Variants in SLC13A3 observed in about 807,000 individuals in gnomAD.
SLC13A3 encodes Na(+)/dicarboxylate cotransporter 3.
In SLC13A3, 40 loss-of-function variants were observed where a neutral mutation model predicts 59.0. The ratio of observed to expected loss-of-function variants is 0.68; its 90% CI spans 0.53 to 0.88. The LOEUF is 0.88. SLC13A3 is among the 40% of genes least tolerant of loss of function. The probability of loss-of-function intolerance (pLI) is 0.00; values close to 1 mark genes in which losing one functional copy is unlikely to be tolerated. For missense variants in SLC13A3, 699 were observed against 783.2 expected (o/e 0.89, Z 1.28); for synonymous variants, 317 against 330.3 (o/e 0.96, Z 0.44).
intron 1 of SLC13A3, among the ~76,000 whole-genome samples, chr20:46,661,375 A>G (rs2063029013): frequency 6.6e-6 from 1 of 152,164 alleles, no homozygotes; most frequent in Non-Finnish European, 1.5e-5. Context: ...GTTGAACTGG[A>G]TTTCAGCTTT....
intron 1 of SLC13A3, among the ~76,000 whole-genome samples, chr20:46,618,815 C>A (rs967799865): frequency 6.6e-6 from 1 of 152,234 alleles, no homozygotes. Flanking sequence ...CAGTGCCCAT[C>A]ATTCCTGTTC....
intron 9 of SLC13A3, among the ~76,000 whole-genome samples, chr20:46,581,575 G>A (rs1161100258): frequency 2.0e-5 from 3 of 152,174 alleles, no homozygotes; most frequent in African/African-American, 7.2e-5. Flanking sequence ...AGGACACAAA[G>A]GCTCCAGGGA....
intron 6 of SLC13A3, among the ~76,000 whole-genome samples, chr20:46,589,947 A>G (rs976992927): frequency 2.6e-5 from 4 of 152,252 alleles, no homozygotes; most frequent in Non-Finnish European, 4.4e-5. Context: ...TAATATGGTT[A>G]GAGTTAAAAC....
chr20:46,591,373 A>C (rs1289295334), intron 6 of SLC13A3, among the ~76,000 whole-genome samples: 1 of 152,206 alleles, frequency 6.6e-6, no homozygotes, highest in Admixed American at 6.5e-5. Flanking sequence ...TTCTCACTGC[A>C]TACCTCTTAG....
At chr20:46,630,422 A>G (rs1464300137) in intron 1 of SLC13A3, among the ~76,000 whole-genome samples, 1 of 152,228 alleles carries the variant, frequency 6.6e-6, no homozygotes, top group Non-Finnish European at 1.5e-5. Context: ...AGGAAGTGTC[A>G]GAGTTCAAAA....
intron 1 of SLC13A3, among the ~76,000 whole-genome samples, chr20:46,647,604 G>GAGCTCATC: frequency 6.6e-6 from 1 of 152,158 alleles, no homozygotes; most frequent in East Asian, 1.9e-4. Flanking sequence ...ATGCATTCCA[G>GAGCTCATC]AGCTCATCCC....
intron 1 of SLC13A3, among the ~76,000 whole-genome samples, chr20:46,663,997 A>G (rs887146330): frequency 6.6e-6 from 1 of 152,160 alleles, no homozygotes; most frequent in African/African-American, 2.4e-5. Context: ...GTTTCCCAAC[A>G]CTCATTCCCC....
intron 1 of SLC13A3, among the ~76,000 whole-genome samples, chr20:46,646,224 C>T (rs2062892835): frequency 6.6e-6 from 1 of 152,110 alleles, no homozygotes; most frequent in South Asian, 2.1e-4. Flanking sequence ...GCTCTCACTT[C>T]CAAAATCCAG....
At chr20:46,678,653 T>C (rs1354696938) in intron 1 of SLC13A3, among the ~76,000 whole-genome samples, 3 of 152,190 alleles carry the variant, frequency 2.0e-5, no homozygotes, top group Non-Finnish European at 4.4e-5. Context: ...AATTCTTACA[T>C]CTTCTCACCT....
chr20:46,632,913 A>AGATAGATAGACAGACAGATAGC (rs1369865976), intron 1 of SLC13A3, among the ~76,000 whole-genome samples: 30 of 56,818 alleles, frequency 5.3e-4, no homozygotes, highest in African/African-American at 6.2e-4. Flanking sequence ...AGATAGATAT[A>AGATAGATAGACAGACAGATAGC]TCTATCTATC....
intron 1 of SLC13A3, among the ~76,000 whole-genome samples, chr20:46,617,609 C>CGTGT (rs573612968): frequency 4.6e-4 from 32 of 69,266 alleles, no homozygotes; most frequent in South Asian, 1.7e-3. Flanking sequence ...TGTGTGTGTG[C>CGTGT]GTGTGTGTGT....
chr20:46,663,880 CT>C (rs2063046842), intron 1 of SLC13A3, among the ~76,000 whole-genome samples: 1 of 152,168 alleles, frequency 6.6e-6, no homozygotes, highest in African/African-American at 2.4e-5. Context: ...GACTTTAATA[CT>C]GAGCATTGAA....
chr20:46,635,665 A>C (rs1307497194), intron 1 of SLC13A3, among the ~76,000 whole-genome samples: 1 of 152,188 alleles, frequency 6.6e-6, no homozygotes, highest in Non-Finnish European at 1.5e-5. Flanking sequence ...CATCTTGAAC[A>C]GGAGCTGGGG....
rs565963566 is a variant in SLC13A3, at chr20:46,567,809, C to T, written c.1333-1419G>A. The stretch of plus-strand genomic sequence containing the variant: ...CCAACACATCATTATAACCACAAAA[C>T]GGCAAAGCTGAGGATGTCAAAATAT... On this transcript the variant is annotated intron_variant, in intron 10 of 12. Transcript: ENST00000279027. Among the ~76,000 whole-genome samples the T allele has an allele frequency of 5.3e-5, 8 of 152,292 alleles. No homozygotes were observed. In the South Asian group the frequency reaches 1.5e-3, roughly 28 times the overall value.
intron 1 of SLC13A3, among the ~76,000 whole-genome samples, chr20:46,621,958 A>G (rs2062619512): frequency 6.6e-6 from 1 of 152,238 alleles, no homozygotes; most frequent in Non-Finnish European, 1.5e-5. Context: ...TCCACAACTT[A>G]TGCTCCATGG....
intron 3 of SLC13A3, among the ~76,000 whole-genome samples, chr20:46,601,988 G>A (rs2062385030): frequency 6.6e-6 from 1 of 152,188 alleles, no homozygotes; most frequent in Non-Finnish European, 1.5e-5. Flanking sequence ...GTAGGAACTA[G>A]AGTAGCATTT....
rs866095332 is a variant in SLC13A3, at chr20:46,613,479, C to A, written c.358G>T (p.Val120Phe). The A allele has an allele frequency of 6.3e-7, 1 of 1,598,836 alleles. No individual in the cohort carries two copies. The highest frequency in any genetic ancestry group is 8.5e-7 in the Non-Finnish European group (1 of 1,171,016). Residue 120 changes from valine to phenylalanine, a missense_variant, in exon 2 of 13, where the codon GTT becomes TTT. Val to Phe is a conservative substitution (Grantham distance 50). Coordinates refer to ENST00000279027, the MANE Select transcript of SLC13A3 (RefSeq NM_022829.6). ...RRIALKILML[V>F]GVQPARLILG... is the part of the protein sequence containing the mutation. ...TCTTACCTGGCCGGCTGGACTCCAA[C>A]AAGCATCAGGATCTTGAGGGCGATT...
At chr20:46,561,128 A>G (rs2061926870) in intron 12 of SLC13A3, among the ~76,000 whole-genome samples, 1 of 152,158 alleles carries the variant, frequency 6.6e-6, no homozygotes, top group Non-Finnish European at 1.5e-5. Context: ...TTCTTTGGAA[A>G]GGCTCATCAG....
chr20:46,673,353 C>T (rs1401394183), upstream of SLC13A3, among the ~76,000 whole-genome samples: 1 of 152,202 alleles, frequency 6.6e-6, no homozygotes, highest in African/African-American at 2.4e-5. Context: ...GTGCCAAGCA[C>T]AGTGCTAGGC....
Sources: gnomAD v4.1 joint callset for allele counts (sites outside exome capture counted in the v4.1 genomes callset) on GRCh38, gnomAD v4.1.1 for gene constraint, MANE v1.5 for transcripts, NCBI Gene and HGNC (gene_info 2026-07-23, HGNC 2026-07-21) for gene names.